LAMA2: variants seen among roughly 807,000 people sequenced by gnomAD.
The protein encoded by LAMA2 is laminin subunit alpha-2.
LAMA2 carries 269 observed loss-of-function variants against 364.8 expected under a neutral mutation model. The observed-to-expected ratio is 0.74, with a 90% CI of 0.67 to 0.82. LAMA2 has a LOEUF of 0.82. Ranked by LOEUF, LAMA2 falls within the 40% of genes least tolerant of loss-of-function variation. LAMA2 has a pLI of 0.00. For missense variants in LAMA2, 3,807 were observed against 3,873.2 expected (o/e 0.98, Z 0.45); for synonymous variants, 1,379 against 1,370.6 (o/e 1.01, Z -0.14).
intron 24 of LAMA2, among the ~76,000 whole-genome samples, 159 bp downstream of exon 24, chr6:129,314,957 G>A (rs1382546837): frequency 6.6e-6 from 1 of 152,176 alleles, no homozygotes; most frequent in Non-Finnish European, 1.5e-5. Context: ...TGCCATTAGA[G>A]AGTTGGAGTA....
chr6:128,971,108 C>T (rs1782162257), intron 1 of LAMA2, among the ~76,000 whole-genome samples: 1 of 152,178 alleles, frequency 6.6e-6, no homozygotes, highest in African/African-American at 2.4e-5. Flanking sequence ...TCTCCTTTGC[C>T]TTCCTGTGCC....
chr6:128,919,199 T>C (rs568829289), intron 1 of LAMA2, among the ~76,000 whole-genome samples: 7 of 152,342 alleles, frequency 4.6e-5, no homozygotes, highest in Admixed American at 2.6e-4. Context: ...GAGGCACTCA[T>C]TGGGATTGTG....
chr6:129,353,103 C>A, intron 31 of LAMA2, 61 bp from the exon 32 acceptor site: 1 of 1,338,480 alleles, frequency 7.5e-7, no homozygotes, highest in Non-Finnish European at 1.1e-6. Flanking sequence ...AGACCACACA[C>A]AACAATGTGG....
intron 4 of LAMA2, among the ~76,000 whole-genome samples, chr6:129,136,514 CAG>C (rs879554855): frequency 3.1e-4 from 45 of 144,340 alleles, no homozygotes; most frequent in Admixed American, 2.8e-4. Context: ...GAGAGAGAGA[CAG>C]AGAGAGAGAG....
At chr6:129,346,985 A>G (rs1384327082) in intron 30 of LAMA2, among the ~76,000 whole-genome samples, 1 of 152,146 alleles carries the variant, frequency 6.6e-6, no homozygotes, top group Non-Finnish European at 1.5e-5. Flanking sequence ...ACTGGCCCTG[A>G]GACAGACCCA....
intron 3 of LAMA2, among the ~76,000 whole-genome samples, chr6:129,083,066 TCTC>T (rs1292124996): frequency 1.1e-5 from 1 of 89,620 alleles, no homozygotes; most frequent in Non-Finnish European, 2.2e-5. Context: ...TCTGTCTAGT[TCTC>T]CTCTGCTCAC....
In LAMA2 at chr6:129,454,162, T is replaced by C; in HGVS notation, c.6581T>C (p.Phe2194Ser). The C allele has an allele frequency of 6.2e-7, 1 of 1,612,590 alleles. No individual in the cohort carries two copies. The highest frequency in any genetic ancestry group is 1.1e-5 in the South Asian group (1 of 91,048). Residue 2194 changes from phenylalanine to serine, a missense_variant, in exon 47 of 65, where the codon TTT becomes TCT. Physicochemically the swap from Phe to Ser is radical, Grantham distance 155. This residue lies in a region of LAMA2 where 3,333 missense variants were observed against 3,345.7 expected (regional missense o/e 1.00). Coordinates refer to ENST00000421865, the MANE Select transcript of LAMA2 (RefSeq NM_000426.4). ...FYLGSAKFID[F>S]LAIEMRKGKV... ...TGTATTTCTCTGAACTAGATTGACT[T>C]TCTGGCTATAGAAATGCGTAAAGGC...
At chr6:129,384,950 G>C (rs1042325843) in intron 35 of LAMA2, among the ~76,000 whole-genome samples, 4 of 149,398 alleles carry the variant, frequency 2.7e-5, no homozygotes, top group South Asian at 2.1e-4. Flanking sequence ...TGTTAAAATT[G>C]AATGAAAGGT....
At chr6:129,445,906 C>T (rs1483617228) in intron 45 of LAMA2, 85 bp downstream of exon 45, 18 of 1,341,504 alleles carry the variant, frequency 1.3e-5, no homozygotes, top group South Asian at 8.4e-5. Context: ...CAGGATTCCC[C>T]GTTGAATGAT....
intron 37 of LAMA2, among the ~76,000 whole-genome samples, chr6:129,395,732 T>C (rs975126565): frequency 3.7e-4 from 57 of 152,274 alleles, no homozygotes; most frequent in African/African-American, 1.4e-3. Context: ...ACCCCTGAGT[T>C]TAGGAAGAGC....
intron 12 of LAMA2, among the ~76,000 whole-genome samples, chr6:129,243,663 C>A (rs1253077588): frequency 6.6e-6 from 1 of 151,616 alleles, no homozygotes; most frequent in Non-Finnish European, 1.5e-5. Context: ...TATACTTCTG[C>A]AATTTAGGTC....
chr6:129,016,138 T>A (rs1785060330), intron 1 of LAMA2, among the ~76,000 whole-genome samples: 1 of 152,082 alleles, frequency 6.6e-6, no homozygotes, highest in Non-Finnish European at 1.5e-5. Context: ...CAATCAAAGT[T>A]TATATTATCA....
chr6:129,044,307 T>C lies in LAMA2; in HGVS notation c.113-5611T>C, dbSNP rs1787315730. Among the ~76,000 whole-genome samples, 3 of 152,112 alleles carry C rather than the reference T, an allele frequency of 2.0e-5. No individual in the cohort carries two copies. The South Asian group carries it at 6.2e-4, about 32-fold the overall frequency. On this transcript the variant is annotated intron_variant, in intron 1 of 64. Coordinates refer to ENST00000421865, the MANE Select transcript of LAMA2 (RefSeq NM_000426.4). Reference sequence around the variant, plus strand: ...TTATTAAAAATAGAACCTCCATAAGTAGATTTTAAAATGTTTCTGCCATTT... The same window carrying C: ...TTATTAAAAATAGAACCTCCATAAGCAGATTTTAAAATGTTTCTGCCATTT...
chr6:129,493,802 G>C (rs532169853), intron 58 of LAMA2, among the ~76,000 whole-genome samples: 11 of 152,278 alleles, frequency 7.2e-5, no homozygotes, highest in African/African-American at 2.6e-4. Context: ...AAAAGGCAGA[G>C]TAAGAATTTT....
intron 1 of LAMA2, among the ~76,000 whole-genome samples, chr6:129,005,806 T>C (rs1033299417): frequency 1.3e-5 from 2 of 151,202 alleles, no homozygotes; most frequent in African/African-American, 4.8e-5. Context: ...AATTTATATA[T>C]ATGGATTATA....
chr6:129,503,676 G>T (rs59600811), intron 60 of LAMA2, among the ~76,000 whole-genome samples: 2,715 of 152,242 alleles, frequency 0.018, 78 homozygotes, highest in African/African-American at 0.063. Context: ...GCATTTTTAT[G>T]GTGGCTAAAA....
At chr6:128,970,948 T>C (rs1782152520) in intron 1 of LAMA2, among the ~76,000 whole-genome samples, 1 of 152,200 alleles carries the variant, frequency 6.6e-6, no homozygotes, top group South Asian at 2.1e-4. Flanking sequence ...ATGGTTTTAC[T>C]GGTAGCCATA....
chr6:129,464,031 C>T (rs1783403953), intron 49 of LAMA2, among the ~76,000 whole-genome samples: 1 of 151,884 alleles, frequency 6.6e-6, no homozygotes, highest in Non-Finnish European at 1.5e-5. Flanking sequence ...TATCTACTAC[C>T]AAGTGCTTTT....
chr6:129,119,778 G>A (rs899936112), intron 4 of LAMA2, among the ~76,000 whole-genome samples: 1 of 152,150 alleles, frequency 6.6e-6, no homozygotes, highest in Non-Finnish European at 1.5e-5. Context: ...TCGATCTTCT[G>A]ACCTCGTGAT....
Sources: gnomAD v4.1 joint callset for allele counts (sites outside exome capture counted in the v4.1 genomes callset) on GRCh38, gnomAD v4.1.1 for gene constraint, gnomAD v4.1.1 regional missense constraint, MANE v1.5 for transcripts, NCBI Gene and HGNC (gene_info 2026-07-23, HGNC 2026-07-21) for gene names.